Variants in LNX1 observed in about 807,000 individuals in gnomAD.
The protein encoded by LNX1 is ligand of numb-protein X 1.
A neutral mutation model predicts 68.4 loss-of-function variants in LNX1; 54 were observed. That is an observed-to-expected ratio of 0.79 (90% confidence interval 0.63 to 0.99). The LOEUF (loss-of-function observed/expected upper bound fraction) is 0.99. Among genes scored for constraint, LNX1 ranks in the 50% least tolerant of loss-of-function variants. The pLI, the probability that LNX1 is intolerant of heterozygous loss-of-function variation, is 0.00. For synonymous variants in LNX1, 336 were observed against 350.0 expected, an observed-to-expected ratio of 0.96 and a Z score of 0.45; for missense variants, 906 against 926.4, an observed-to-expected ratio of 0.98 and a Z score of 0.29.
At chr4:53,593,246 G>A (rs1732597199), upstream of LNX1, among the ~76,000 whole-genome samples, 1 of 152,256 alleles carries the variant, frequency 6.6e-6, no homozygotes, top group South Asian at 2.1e-4. Flanking sequence ...GCAAGGGGGA[G>A]GGGAGGGAGA....
At chr4:53,634,418 T>C (rs1281912624) in intron 1 of LNX1, among the ~76,000 whole-genome samples, 1 of 151,900 alleles carries the variant, frequency 6.6e-6, no homozygotes, top group East Asian at 1.9e-4. Flanking sequence ...TAACTTTTTG[T>C]ATTTTAGTAG....
chr4:53,554,149 G>C (rs1189667394), intron 2 of LNX1, among the ~76,000 whole-genome samples: 1 of 152,182 alleles, frequency 6.6e-6, no homozygotes, highest in Non-Finnish European at 1.5e-5. Context: ...CATGCCTTTT[G>C]CAAGCATTTG....
At chr4:53,544,219 C>T (rs1270653653) in intron 2 of LNX1, among the ~76,000 whole-genome samples, 3 of 148,850 alleles carry the variant, frequency 2.0e-5, no homozygotes, top group Non-Finnish European at 4.5e-5. Context: ...TTTTTTGAGA[C>T]AGTCTCACTC....
intron 2 of LNX1, among the ~76,000 whole-genome samples, chr4:53,530,294 G>T (rs1025532160): frequency 6.6e-6 from 1 of 152,114 alleles, no homozygotes; most frequent in Non-Finnish European, 1.5e-5. Context: ...TGCAAGATAT[G>T]TAATCAAAGA....
chr4:53,617,141 T>G (rs1052642594), intron 1 of LNX1: 1 of 151,964 alleles, frequency 6.6e-6, no homozygotes, highest in Non-Finnish European at 1.5e-5. Flanking sequence ...CTTACACTAT[T>G]TTGAAGAGAC....
In LNX1 at chr4:53,574,103, G is replaced by T. The variant is rs989594420; in HGVS notation, c.-86-15C>A. The stretch of plus-strand genomic sequence containing the variant: ...CATCCACACACCTAAAAAAGAACAA[G>T]AAGGCTCACCTTTGCTTCCCAGCAC... On this transcript the variant is annotated splice_polypyrimidine_tract_variant and intron_variant, in intron 1 of 10. Coordinates refer to ENST00000263925, the MANE Select transcript of LNX1 (RefSeq NM_001126328.3). 2.7e-6 allele frequency: 4 copies of T among 1,470,956 alleles called. No individual in the cohort carries two copies. The African/African-American group carries it at 4.2e-5, about 16-fold the overall frequency. 91.1% of individuals were successfully genotyped at this position (1,470,956 alleles called of 1,614,324 possible). A position where few individuals can be genotyped will look rare whatever the true frequency, so the allele number is the denominator to read the frequency against.
chr4:53,472,622 T>G (rs879911583), intron 9 of LNX1, among the ~76,000 whole-genome samples: 1 of 150,572 alleles, frequency 6.6e-6, no homozygotes, highest in Non-Finnish European at 1.5e-5. Flanking sequence ...GTACAAATTT[T>G]GATTTTCTGT....
chr4:53,520,655 G>A (rs1727146422), intron 2 of LNX1, among the ~76,000 whole-genome samples: 1 of 152,094 alleles, frequency 6.6e-6, no homozygotes, highest in Non-Finnish European at 1.5e-5. Flanking sequence ...GCAATTCTTG[G>A]TTCAAAATTA....
At chr4:53,524,380 T>C (rs1476443343) in intron 2 of LNX1, 1 of 152,158 alleles carries the variant, frequency 6.6e-6, no homozygotes, top group Non-Finnish European at 1.5e-5. Context: ...TGTACTACCA[T>C]TTCACACATA....
At chr4:53,644,081 TA>T in intron 1 of LNX1, among the ~76,000 whole-genome samples, 1 of 152,250 alleles carries the variant, frequency 6.6e-6, no homozygotes, top group African/African-American at 2.4e-5. Flanking sequence ...CTATGTTTTG[TA>T]CTTCATTCTA....
intron 2 of LNX1, among the ~76,000 whole-genome samples, chr4:53,533,915 G>C (rs1036247185): frequency 6.6e-6 from 1 of 152,204 alleles, no homozygotes; most frequent in African/African-American, 2.4e-5. Flanking sequence ...CTATTCCAGT[G>C]CACGCTAAGG....
At chr4:53,461,369 G>A in intron 10 of LNX1, 66 bp downstream of exon 10, 1 of 1,290,638 alleles carries the variant, frequency 7.7e-7, no homozygotes, top group African/African-American at 1.5e-5. Context: ...TCTCAAATGG[G>A]GCCAAGCTTT....
At chr4:53,596,929 A>C (rs1383829406) in intron 2 of LNX1, among the ~76,000 whole-genome samples, 1 of 152,118 alleles carries the variant, frequency 6.6e-6, no homozygotes, top group Non-Finnish European at 1.5e-5. Context: ...TTTCTTATTC[A>C]TTCGGATTTT....
chr4:53,636,356 G>A (rs967839880), intron 1 of LNX1, among the ~76,000 whole-genome samples: 1 of 151,958 alleles, frequency 6.6e-6, no homozygotes, highest in African/African-American at 2.4e-5. Context: ...GGATAAAGTG[G>A]CCAGGGTTGA....
intron 4 of LNX1, among the ~76,000 whole-genome samples, chr4:53,503,862 G>C (rs761258146): frequency 1.3e-5 from 2 of 152,184 alleles, no homozygotes; most frequent in Admixed American, 1.3e-4. Context: ...GGCTGAGTGC[G>C]GTGGCTCACA....
intron 4 of LNX1, 77 bp downstream of exon 4, chr4:53,507,240 G>T: frequency 6.8e-7 from 1 of 1,472,602 alleles, no homozygotes; most frequent in Non-Finnish European, 9.3e-7. Flanking sequence ...GGTGGAAGGT[G>T]ATCAGATTGC....
At chr4:53,574,226 G>A (rs1560675787) in intron 1 of LNX1, 138 bp from the exon 2 acceptor site, 1 of 677,628 alleles carries the variant, frequency 1.5e-6, no homozygotes, top group East Asian at 2.9e-5. Context: ...GTCCACTCTG[G>A]AGTGACTGAC....
chr4:53,536,010 T>C (rs1728346966), intron 2 of LNX1, among the ~76,000 whole-genome samples: 3 of 152,224 alleles, frequency 2.0e-5, no homozygotes, highest in African/African-American at 7.2e-5. Context: ...AGAAGCCTTG[T>C]GGGTTAATTA....
At chr4:53,586,308 G>A (rs961499826) in intron 1 of LNX1, among the ~76,000 whole-genome samples, 4 of 152,174 alleles carry the variant, frequency 2.6e-5, no homozygotes, top group East Asian at 1.9e-4. Flanking sequence ...AAAAGGCCAC[G>A]TGACTGTCAA....
Sources: gnomAD v4.1 joint callset for allele counts (sites outside exome capture counted in the v4.1 genomes callset) on GRCh38, gnomAD v4.1.1 for gene constraint, MANE v1.5 for transcripts, NCBI Gene and HGNC (gene_info 2026-07-23, HGNC 2026-07-21) for gene names.